Variants in NTM observed in about 807,000 individuals in gnomAD.
NTM encodes the protein neurotrimin, also known as IgLON family member 2.
In NTM, 13 loss-of-function variants were observed where a neutral mutation model predicts 42.1. The observed-to-expected ratio is 0.31, with a 90% CI of 0.20 to 0.49. The LOEUF (loss-of-function observed/expected upper bound fraction) is 0.49. Ranked by LOEUF, NTM falls within the 20% of genes least tolerant of loss-of-function variation. NTM has a pLI of 0.99. For missense variants in NTM, 373 were observed against 452.8 expected (o/e 0.82, Z 1.60); for synonymous variants, 187 against 179.2 (o/e 1.04, Z -0.35).
chr11:132,254,164 T>G (rs1566587049), intron 4 of NTM, among the ~76,000 whole-genome samples: 1 of 152,140 alleles, frequency 6.6e-6, no homozygotes, highest in Non-Finnish European at 1.5e-5. Context: ...ACTTAGCCCT[T>G]AGACGCACTG....
At chr11:131,988,152 C>G (rs1422451348) in intron 2 of NTM, among the ~76,000 whole-genome samples, 1 of 152,196 alleles carries the variant, frequency 6.6e-6, no homozygotes, top group Non-Finnish European at 1.5e-5. Flanking sequence ...TTGCTAGGAG[C>G]TCTTTTATAA....
At chr11:132,014,507 C>T (rs2072960581) in intron 2 of NTM, among the ~76,000 whole-genome samples, 2 of 151,990 alleles carry the variant, frequency 1.3e-5, no homozygotes, top group Admixed American at 6.6e-5. Context: ...ACATTCCCAC[C>T]AGCAGTATGT....
chr11:131,572,293 G>T (rs569497648), intron 1 of NTM, among the ~76,000 whole-genome samples: 2 of 152,250 alleles, frequency 1.3e-5, no homozygotes, highest in South Asian at 2.1e-4. Flanking sequence ...AGTGATCTGT[G>T]ACAAGATTCC....
intron 1 of NTM, among the ~76,000 whole-genome samples, chr11:131,401,800 ATATATATAT>A (rs1945169753): frequency 9.2e-4 from 1 of 1,090 alleles, no homozygotes; most frequent in Non-Finnish European, 2.0e-3. Context: ...GCCACTGGAA[ATATATATAT>A]ATATATATAT....
intron 2 of NTM, among the ~76,000 whole-genome samples, chr11:132,066,784 G>T (rs777147431): frequency 1.1e-4 from 16 of 151,856 alleles, no homozygotes; most frequent in Non-Finnish European, 2.1e-4. Flanking sequence ...TGAATTAATT[G>T]CATTGCATTT....
At chr11:132,317,558 G>A (rs1460564727) in intron 7 of NTM, 3 of 572,632 alleles carry the variant, frequency 5.2e-6, no homozygotes, top group African/African-American at 3.9e-5. Context: ...TCTGTGAAAG[G>A]CAGTATACAA....
At chr11:132,243,625 T>C (rs966255398) in intron 4 of NTM, among the ~76,000 whole-genome samples, 1 of 151,838 alleles carries the variant, frequency 6.6e-6, no homozygotes, top group African/African-American at 2.4e-5. Flanking sequence ...AAATGAGAGG[T>C]GGTATTTGTT....
intron 1 of NTM, among the ~76,000 whole-genome samples, chr11:131,706,558 A>G (rs1325393153): frequency 2.0e-5 from 3 of 152,016 alleles, no homozygotes; most frequent in African/African-American, 7.2e-5. Context: ...TGCACATATA[A>G]CATTCTCCAG....
At chr11:131,554,809 C>T (rs1055066804) in intron 1 of NTM, among the ~76,000 whole-genome samples, 1 of 152,116 alleles carries the variant, frequency 6.6e-6, no homozygotes. Flanking sequence ...TCAGCCTCTG[C>T]TTGGATGCAC....
intron 1 of NTM, among the ~76,000 whole-genome samples, chr11:131,843,299 T>G (rs2044505917): frequency 6.6e-6 from 1 of 152,218 alleles, no homozygotes; most frequent in Admixed American, 6.5e-5. Context: ...TTTTCTTCTC[T>G]AGTACATTCA....
At chr11:132,243,927 A>G (rs909502591) in intron 4 of NTM, among the ~76,000 whole-genome samples, 4 of 151,646 alleles carry the variant, frequency 2.6e-5, no homozygotes, top group African/African-American at 7.3e-5. Flanking sequence ...CAGGGTTTAG[A>G]CCCTCCTTCA....
intron 4 of NTM, among the ~76,000 whole-genome samples, chr11:132,270,666 CT>C (rs1347091072): frequency 7.3e-6 from 1 of 136,252 alleles, no homozygotes; most frequent in African/African-American, 2.7e-5. Flanking sequence ...TTTTTTTTTA[CT>C]TTTTTGGGGG....
intron 2 of NTM, among the ~76,000 whole-genome samples, chr11:132,031,854 A>G (rs11222869): frequency 0.41 from 62,906 of 151,894 alleles, 14,089 homozygotes; most frequent in East Asian, 0.82. Context: ...CTTATGTGTG[A>G]AAGTCTTTAA....
intron 3 of NTM, among the ~76,000 whole-genome samples, chr11:132,210,736 C>T (rs1439382416): frequency 6.6e-6 from 1 of 152,176 alleles, no homozygotes; most frequent in Non-Finnish European, 1.5e-5. Flanking sequence ...CGGAAAGAAA[C>T]GCACACACAT....
intron 2 of NTM, among the ~76,000 whole-genome samples, chr11:132,019,587 CTAGTCT>C (rs1434422251): frequency 1.3e-4 from 19 of 151,840 alleles, no homozygotes; most frequent in African/African-American, 4.4e-4. Flanking sequence ...TGAAATAGTT[CTAGTCT>C]TAAAGTTTAT....
At chr11:131,910,564 G>A (rs1417039688) in intron 1 of NTM, among the ~76,000 whole-genome samples, 2 of 151,220 alleles carry the variant, frequency 1.3e-5, no homozygotes, top group Non-Finnish European at 3.0e-5. Flanking sequence ...GTGGCGGTCA[G>A]GGATGGAGCT....
intron 4 of NTM, among the ~76,000 whole-genome samples, chr11:132,219,018 C>G (rs1387859847): frequency 6.6e-6 from 1 of 152,104 alleles, no homozygotes; most frequent in Admixed American, 6.6e-5. Context: ...GGCGTGAACC[C>G]TGGCGTTTTC....
chr11:132,327,199 G>A (rs930763500), intron 7 of NTM, among the ~76,000 whole-genome samples: 1 of 152,170 alleles, frequency 6.6e-6, no homozygotes, highest in African/African-American at 2.4e-5. Flanking sequence ...CTGTACTCAG[G>A]CCACTGTGCA....
intron 1 of NTM, among the ~76,000 whole-genome samples, chr11:131,629,898 T>C (rs776205855): frequency 6.6e-6 from 1 of 152,176 alleles, no homozygotes; most frequent in Non-Finnish European, 1.5e-5. Flanking sequence ...ATTCTGAAGA[T>C]AGGGAGTCAG....
Sources: gnomAD v4.1 joint callset for allele counts (sites outside exome capture counted in the v4.1 genomes callset) on GRCh38, gnomAD v4.1.1 for gene constraint, MANE v1.5 for transcripts, NCBI Gene and HGNC (gene_info 2026-07-23, HGNC 2026-07-21) for gene names.